Variants in TMEM51 observed in about 807,000 individuals in gnomAD.
TMEM51 encodes the protein chromosome 1 open reading frame 72.
TMEM51 carries 8 observed loss-of-function variants against 13.6 expected under a neutral mutation model. That is an observed-to-expected ratio of 0.59 (90% confidence interval 0.35 to 1.07). The LOEUF is 1.07. Ranked by LOEUF, TMEM51 falls within the 50% of genes least tolerant of loss-of-function variation. TMEM51 has a pLI of 0.02. For missense variants in TMEM51, 279 were observed against 330.7 expected (o/e 0.84, Z 1.21); for synonymous variants, 147 against 144.4 (o/e 1.02, Z -0.13).
At chr1:15,196,912 C>A (rs1439940367) in intron 1 of TMEM51, among the ~76,000 whole-genome samples, 1 of 152,180 alleles carries the variant, frequency 6.6e-6, no homozygotes, top group Non-Finnish European at 1.5e-5. Flanking sequence ...AGGACTCTTT[C>A]AAATGCAGGA....
chr1:15,220,298 T>C lies in TMEM51; in HGVS notation c.*555T>C, dbSNP rs566444202. On this transcript the variant is annotated 3_prime_UTR_variant, in exon 4 of 4. Coordinates refer to ENST00000376008, the MANE Select transcript of TMEM51 (RefSeq NM_001136218.2). ...CCTGATGCTGTTGTTCTTTGAGGGC[T>C]TAAGGCCTGATGAACGTAGGCACGT... The C allele has an allele frequency of 6.5e-6, 1 of 153,408 alleles. No homozygotes were observed. Among genetic ancestry groups the C allele is most frequent in the Non-Finnish European group, 1.4e-5 (1 of 69,162 alleles). 9.5% of individuals were successfully genotyped at this position (153,408 alleles called of 1,614,324 possible).
intron 1 of TMEM51, among the ~76,000 whole-genome samples, chr1:15,205,799 T>C (rs757374951): frequency 9.2e-5 from 14 of 152,342 alleles, no homozygotes; most frequent in Non-Finnish European, 1.5e-4. Context: ...TCTCTGACGC[T>C]GACTTCCCTT....
rs973986255 is a variant in TMEM51, at chr1:15,196,441, G to C, written c.-266-14049G>C. Reference sequence around the variant, plus strand: ...GCATGCACACATGTGAAAGAGAGAGGGGGAGGGAGAGAGAGCTAGTTTACC... The same window carrying C: ...GCATGCACACATGTGAAAGAGAGAGCGGGAGGGAGAGAGAGCTAGTTTACC... On this transcript the variant is annotated intron_variant, in intron 1 of 3. Coordinates refer to ENST00000376008, the MANE Select transcript of TMEM51 (RefSeq NM_001136218.2). 2.6e-5 allele frequency among the ~76,000 whole-genome samples: 4 copies of C among 152,250 alleles called. No individual in the cohort carries two copies. In the East Asian group the frequency reaches 7.7e-4, roughly 29 times the overall value.
At chr1:15,168,396 G>C in intron 1 of TMEM51, 1 of 1,210,094 alleles carries the variant, frequency 8.3e-7, no homozygotes, top group Non-Finnish European at 1.1e-6. Flanking sequence ...GGACTGTAGA[G>C]GCAATCTTTT....
At chr1:15,202,217 G>A (rs369834903) in intron 1 of TMEM51, among the ~76,000 whole-genome samples, 1 of 152,124 alleles carries the variant, frequency 6.6e-6, no homozygotes, top group African/African-American at 2.4e-5. Context: ...CTGGCCACAC[G>A]AGGAAAGGGC....
chr1:15,207,647 AG>A lies in TMEM51; in HGVS notation c.-266-2839del, dbSNP rs1644274273. 6.6e-6 allele frequency among the ~76,000 whole-genome samples: 1 copy of A among 152,066 alleles called. No homozygotes were observed. The highest frequency in any genetic ancestry group is 1.5e-5 in the Non-Finnish European group (1 of 67,996). Reference sequence around the variant, plus strand: ...CCCTCCCTGCCGGCTCTGGTTGGCCAGGGGTGTGCACACGAGTGGAAAGAGC... The same window carrying A: ...CCCTCCCTGCCGGCTCTGGTTGGCCAGGGTGTGCACACGAGTGGAAAGAGC... On this transcript the variant is annotated intron_variant, in intron 1 of 3. Coordinates refer to ENST00000376008, the MANE Select transcript of TMEM51 (RefSeq NM_001136218.2). The surrounding 1 kb of genome is among the most constrained non-coding windows in gnomAD (Gnocchi z 4.6).
At chr1:15,160,653 A>G (rs1010101014) in intron 1 of TMEM51, among the ~76,000 whole-genome samples, 2 of 152,094 alleles carry the variant, frequency 1.3e-5, no homozygotes, top group Non-Finnish European at 2.9e-5. Flanking sequence ...AGCTTCCTTA[A>G]AACTGCCTGC....
At chr1:15,164,992 G>A (rs374050939) in intron 1 of TMEM51, among the ~76,000 whole-genome samples, 37 of 152,086 alleles carry the variant, frequency 2.4e-4, no homozygotes, top group African/African-American at 8.2e-4. Flanking sequence ...TAGTAGAGAC[G>A]AGGTTTCACC....
At chr1:15,178,582 C>G (rs1285608358) in intron 1 of TMEM51, among the ~76,000 whole-genome samples, 1 of 152,226 alleles carries the variant, frequency 6.6e-6, no homozygotes, top group Non-Finnish European at 1.5e-5. Context: ...TGACCCCCAT[C>G]TGCTGCTCAC....
intron 1 of TMEM51, among the ~76,000 whole-genome samples, chr1:15,197,281 C>G (rs1239673636): frequency 2.0e-5 from 3 of 152,190 alleles, no homozygotes; most frequent in Admixed American, 6.5e-5. Flanking sequence ...GAATCAAAGT[C>G]ATATGGACTG....
At chr1:15,193,570 T>G (rs1006688942) in intron 1 of TMEM51, among the ~76,000 whole-genome samples, 1 of 78,166 alleles carries the variant, frequency 1.3e-5, no homozygotes, top group Admixed American at 1.9e-4. Flanking sequence ...TTCTTTTCTT[T>G]CTTTCTTTTT....
chr1:15,165,316 A>G (rs138492791), intron 1 of TMEM51, among the ~76,000 whole-genome samples: 186 of 152,286 alleles, frequency 1.2e-3, no homozygotes, highest in African/African-American at 4.4e-3. Context: ...AAAAAAAAGA[A>G]GAAGAAATGC....
At chr1:15,206,090 A>G (rs1214739702) in intron 1 of TMEM51, among the ~76,000 whole-genome samples, 1 of 152,114 alleles carries the variant, frequency 6.6e-6, no homozygotes, top group Non-Finnish European at 1.5e-5. Context: ...CGCAAAAAAT[A>G]GCTGGACATG....
intron 3 of TMEM51, 137 bp from the exon 4 acceptor site, chr1:15,219,189 T>C: frequency 1.2e-6 from 1 of 839,582 alleles, no homozygotes; most frequent in Non-Finnish European, 1.8e-6. Context: ...ACTTGAAGTA[T>C]TCACTTTTAT....
chr1:15,192,751 G>A (rs1031003723), intron 1 of TMEM51: 8 of 165,882 alleles, frequency 4.8e-5, no homozygotes, highest in South Asian at 1.7e-4. Flanking sequence ...GCGCCTGGCC[G>A]GTGGTGCTAC....
chr1:15,191,050 G>C (rs538458249), intron 1 of TMEM51, among the ~76,000 whole-genome samples: 1 of 152,344 alleles, frequency 6.6e-6, no homozygotes, highest in African/African-American at 2.4e-5. Flanking sequence ...GCCTCCCAAA[G>C]TGCTGGGATT....
chr1:15,170,947 C>T (rs1469921896), intron 1 of TMEM51, among the ~76,000 whole-genome samples: 1 of 152,066 alleles, frequency 6.6e-6, no homozygotes, highest in Non-Finnish European at 1.5e-5. Flanking sequence ...TCAGGATGGT[C>T]TCGATCTCCT....
chr1:15,214,731 G>C (rs1644396356), intron 2 of TMEM51, among the ~76,000 whole-genome samples, 164 bp from the exon 3 acceptor site: 1 of 152,232 alleles, frequency 6.6e-6, no homozygotes, highest in Non-Finnish European at 1.5e-5. Flanking sequence ...CGCACAAGGA[G>C]CCTGAGCACG....
chr1:15,173,144 G>T (rs1351975700), intron 1 of TMEM51, among the ~76,000 whole-genome samples: 1 of 151,840 alleles, frequency 6.6e-6, no homozygotes, highest in Non-Finnish European at 1.5e-5. Context: ...GACATGCCTA[G>T]GGAGTAGGTC....
Sources: gnomAD v4.1 joint callset for allele counts (sites outside exome capture counted in the v4.1 genomes callset) on GRCh38, gnomAD v4.1.1 for gene constraint, Gnocchi (gnomAD v3.1) non-coding constraint, MANE v1.5 for transcripts, NCBI Gene and HGNC (gene_info 2026-07-23, HGNC 2026-07-21) for gene names.